Variants in DCAF17 observed in about 807,000 individuals in gnomAD.
DCAF17 encodes the protein DDB1 and CUL4 associated factor 17.
DCAF17 carries 48 observed loss-of-function variants against 66.0 expected under a neutral mutation model. The ratio of observed to expected loss-of-function variants is 0.73; its 90% CI spans 0.58 to 0.92. The LOEUF (loss-of-function observed/expected upper bound fraction) is 0.92, where lower values mean the gene tolerates loss of function less well. Among genes scored for constraint, DCAF17 ranks in the 40% least tolerant of loss-of-function variants. The pLI is 0.00. For missense variants in DCAF17, 562 were observed against 622.8 expected, an observed-to-expected ratio of 0.90 and a Z score of 1.04; for synonymous variants, 206 against 214.6, an observed-to-expected ratio of 0.96 and a Z score of 0.35.
In DCAF17 at chr2:171,434,519, G is replaced by C; in HGVS notation, c.-59G>C. The C allele has an allele frequency of 1.3e-6, 2 of 1,522,794 alleles. No homozygotes were observed. The highest frequency in any genetic ancestry group is 1.8e-6 in the Non-Finnish European group (2 of 1,139,842). 94.3% of individuals were successfully genotyped at this position (1,522,794 alleles called of 1,614,324 possible). Reference sequence around the variant, plus strand: ...GAAGGCAGCGGCGGCTGCCCAGCACGGGAGTGTGGGGCGCGCCACTCGGCG... The same window carrying C: ...GAAGGCAGCGGCGGCTGCCCAGCACCGGAGTGTGGGGCGCGCCACTCGGCG... On this transcript the variant is annotated 5_prime_UTR_variant, in exon 1 of 14. Coordinates refer to ENST00000375255, the MANE Select transcript of DCAF17 (RefSeq NM_025000.4).
rs374359784 is a variant in DCAF17 at position 171,458,491 on chromosome 2, A to G, written c.838+14A>G. 12 of 1,589,292 alleles carry G rather than the reference A, an allele frequency of 7.6e-6. No homozygotes were observed. Among genetic ancestry groups the G allele is most frequent in the Admixed American group, 6.7e-5 (4 of 59,870 alleles). On this transcript the variant is annotated intron_variant, in intron 8 of 13. Coordinates refer to ENST00000375255, the MANE Select transcript of DCAF17 (RefSeq NM_025000.4). ...TTAAAATCACAGGTATGGCTACTCTATAGTATTTTTTCACCTTAAAAAAAT... is the reference window on the plus strand; with the variant it reads ...TTAAAATCACAGGTATGGCTACTCTGTAGTATTTTTTCACCTTAAAAAAAT...
rs973332929 is a variant in DCAF17 at position 171,483,059 on chromosome 2, C to T, written c.*1945C>T. The T allele has an allele frequency of 1.1e-5, 5 of 453,912 alleles. No individual in the cohort carries two copies. Among genetic ancestry groups the T allele is most frequent in the African/African-American group, 4.0e-5 (2 of 49,972 alleles). 28.1% of individuals were successfully genotyped at this position (453,912 alleles called of 1,614,324 possible). ...CAACAGTATGTGGGAATGTAGGCTG[C>T]ATGGTTGTTAACAAGATAGATGGTA... On this transcript the variant is annotated 3_prime_UTR_variant, in exon 14 of 14. Transcript: ENST00000375255.
At chr2:171,452,603 G>A (rs780566273) in intron 5 of DCAF17, among the ~76,000 whole-genome samples, 1 of 152,024 alleles carries the variant, frequency 6.6e-6, no homozygotes, top group Non-Finnish European at 1.5e-5. Context: ...ACAGGCATGC[G>A]CCACCATGTC....
intron 8 of DCAF17, among the ~76,000 whole-genome samples, chr2:171,465,851 C>T (rs1465840520): frequency 6.6e-6 from 1 of 152,112 alleles, no homozygotes; most frequent in Non-Finnish European, 1.5e-5. Context: ...TTACTCTCAT[C>T]AGTAACCATT....
chr2:171,434,335 C>G lies in DCAF17; in HGVS notation c.-243C>G, dbSNP rs886055102. The G allele has an allele frequency of 2.8e-6, 2 of 703,788 alleles. No homozygotes were observed. Among genetic ancestry groups the G allele is most frequent in the Non-Finnish European group, 5.0e-6 (2 of 403,582 alleles). 43.6% of individuals were successfully genotyped at this position (703,788 alleles called of 1,614,324 possible). On this transcript the variant is annotated 5_prime_UTR_variant, in exon 1 of 14. Transcript: ENST00000375255. ...GTCGCACTGTCAGCGGCCAGAGAGC[C>G]TGGGGCAGATCGAAAAGGGAGTGCT...
intron 8 of DCAF17, among the ~76,000 whole-genome samples, chr2:171,463,991 T>A (rs1204772942): frequency 1.3e-5 from 2 of 152,210 alleles, no homozygotes; most frequent in Non-Finnish European, 2.9e-5. Context: ...ACAATAGACT[T>A]GTGGATTTTT....
In DCAF17 at chr2:171,472,249, G is replaced by C. The variant is rs185461305; in HGVS notation, c.982-1617G>C. Among the ~76,000 whole-genome samples the C allele has an allele frequency of 2.0e-3, 310 of 151,908 alleles. 3 individuals carry two copies. The highest frequency in any genetic ancestry group is 6.9e-3 in the African/African-American group (287 of 41,432). ...GGCTGGAGTGCAGTGGCACGATCTC[G>C]GCTTACTGCAAGCTCTGCCTCCTGG... On this transcript the variant is annotated intron_variant, in intron 9 of 13. Coordinates refer to ENST00000375255, the MANE Select transcript of DCAF17 (RefSeq NM_025000.4).
intron 3 of DCAF17, among the ~76,000 whole-genome samples, chr2:171,445,243 G>C (rs1694548769): frequency 6.6e-6 from 1 of 151,752 alleles, no homozygotes; most frequent in Non-Finnish European, 1.5e-5. Flanking sequence ...TCCTGCCTCA[G>C]CCTCCCAAGT....
intron 2 of DCAF17, among the ~76,000 whole-genome samples, chr2:171,439,696 G>A (rs115174779): frequency 0.031 from 4,753 of 151,992 alleles, 83 homozygotes; most frequent in East Asian, 0.051. Flanking sequence ...GGGAGGACTA[G>A]GTGGGCAGAT....
At chr2:171,469,307 A>G (rs1023302666) in intron 9 of DCAF17, among the ~76,000 whole-genome samples, 2 of 151,936 alleles carry the variant, frequency 1.3e-5, no homozygotes, top group Non-Finnish European at 2.9e-5. Context: ...CTCATGTAAA[A>G]CCTCTCCACA....
intron 8 of DCAF17, among the ~76,000 whole-genome samples, chr2:171,458,864 T>G (rs578222676): frequency 2.5e-4 from 38 of 152,110 alleles, no homozygotes; most frequent in African/African-American, 8.7e-4. Flanking sequence ...AAGAAAAAAT[T>G]TTTACCATGA....
chr2:171,483,581 C>T lies in DCAF17; in HGVS notation c.*2467C>T, dbSNP rs772200637. ...TTTGTGCTACCTAGTGAGGAGATAC[C>T]GCTCTGTTTAGACAAATTAAGGCAC... is the stretch of plus-strand genomic sequence containing the variant. On this transcript the variant is annotated 3_prime_UTR_variant, in exon 14 of 14. Coordinates refer to ENST00000375255, the MANE Select transcript of DCAF17 (RefSeq NM_025000.4). 1.3e-5 allele frequency: 6 copies of T among 453,918 alleles called. No homozygotes were observed. Among genetic ancestry groups the T allele is most frequent in the Non-Finnish European group, 2.6e-5 (6 of 226,788 alleles). The allele number at this position is 453,918 out of a possible 1,614,324, so 28.1% of individuals were successfully genotyped here. A position where few individuals can be genotyped will look rare whatever the true frequency, so the allele number is the denominator to read the frequency against.
chr2:171,450,021 T>G (rs1694857943), intron 5 of DCAF17, 64 bp downstream of exon 5: 1 of 1,362,446 alleles, frequency 7.3e-7, no homozygotes, highest in African/African-American at 1.4e-5. Context: ...TCTGCAGATT[T>G]GTTATGAAAA....
chr2:171,449,859 T>A lies in DCAF17; in HGVS notation c.459-20T>A. The A allele has an allele frequency of 6.2e-7, 1 of 1,603,138 alleles. No homozygotes were observed. The highest frequency in any genetic ancestry group is 1.1e-5 in the South Asian group (1 of 90,284). On this transcript the variant is annotated intron_variant, in intron 4 of 13. Coordinates refer to ENST00000375255, the MANE Select transcript of DCAF17 (RefSeq NM_025000.4). ...GGAAACTGACCCAAATAAATAAACT[T>A]CTCTTCATTCTTTTAAAAGATACTT...
intron 13 of DCAF17, among the ~76,000 whole-genome samples, 181 bp downstream of exon 13, chr2:171,480,374 T>G (rs923422341): frequency 1.3e-5 from 2 of 152,180 alleles, no homozygotes; most frequent in African/African-American, 4.8e-5. Flanking sequence ...CCCTGGGCAC[T>G]AGGGGATCCT....
rs751569721 is a variant in DCAF17 at position 171,435,174 on chromosome 2, G to T, written c.218G>T (p.Arg73Leu). The change falls in exon 2 of 14, where the codon CGC (arginine) becomes CTC (leucine). Residue 73 changes from arginine (R) to leucine (L), a missense_variant. Arg to Leu is a moderately radical substitution (Grantham distance 102). This residue lies in a region of DCAF17 where 348 missense variants were observed against 355.9 expected (regional missense o/e 0.98). Coordinates refer to ENST00000375255, the MANE Select transcript of DCAF17 (RefSeq NM_025000.4). ...AGAATATATTTTGACAATTATCGGC[G>T]CTGTGTCAGCAGGTAACTTTTTATT... ...RGRIYFDNYR[R>L]CVSSVASEPR... 3 of 1,612,410 alleles carry T rather than the reference G, an allele frequency of 1.9e-6. No homozygotes were observed. Among genetic ancestry groups the T allele is most frequent in the African/African-American group, 2.7e-5 (2 of 74,842 alleles).
At chr2:171,467,211 T>C (rs1479747509) in intron 8 of DCAF17, among the ~76,000 whole-genome samples, 2 of 149,412 alleles carry the variant, frequency 1.3e-5, no homozygotes, top group African/African-American at 4.9e-5. Context: ...TTTTGGAGAT[T>C]TGCCACAATT....
At chr2:171,479,828 A>AACTCTT in intron 12 of DCAF17, 3 of 535,572 alleles carry the variant, frequency 5.6e-6, no homozygotes, top group Non-Finnish European at 3.3e-6. Context: ...TCAAATCTGT[A>AACTCTT]GGATACTGCT....
chr2:171,436,828 G>A (rs1485745946), intron 2 of DCAF17, among the ~76,000 whole-genome samples: 2 of 148,894 alleles, frequency 1.3e-5, no homozygotes, highest in Non-Finnish European at 3.0e-5. Flanking sequence ...AGGCTGGAGT[G>A]CAATGGCGTG....
Sources: allele counts gnomAD v4.1 joint callset (sites outside exome capture counted in the v4.1 genomes callset), GRCh38; gene constraint gnomAD v4.1.1; regional missense constraint gnomAD v4.1.1; transcripts MANE v1.5; gene names NCBI Gene and HGNC (gene_info 2026-07-23, HGNC 2026-07-21).